The following ACBD5 variants were observed in gnomAD, a reference collection of about 807,000 sequenced individuals.
ACBD5 encodes the protein acyl-CoA binding domain containing 5, also known as acyl-CoA-binding domain-containing protein 5.
A neutral mutation model predicts 71.8 loss-of-function variants in ACBD5; 40 were observed. That is an observed-to-expected ratio of 0.56 (90% confidence interval 0.43 to 0.72). The LOEUF (loss-of-function observed/expected upper bound fraction) is 0.72. ACBD5 is among the 30% of genes least tolerant of loss of function. The pLI is 0.00. For synonymous variants in ACBD5, 229 were observed against 218.6 expected, an observed-to-expected ratio of 1.05 and a Z score of -0.42; for missense variants, 559 against 644.5, an observed-to-expected ratio of 0.87 and a Z score of 1.44.
At chr10:27,194,825 G>A (rs2059250791), downstream of ACBD5, among the ~76,000 whole-genome samples, 2 of 151,420 alleles carry the variant, frequency 1.3e-5, no homozygotes, top group Non-Finnish European at 2.9e-5. Flanking sequence ...GTGAAACCCC[G>A]TCTCTACTAA....
intron 8 of ACBD5, among the ~76,000 whole-genome samples, chr10:27,213,235 T>C (rs1343295966): frequency 6.6e-6 from 1 of 152,126 alleles, no homozygotes; most frequent in African/African-American, 2.4e-5. Flanking sequence ...GACCTACAAA[T>C]GGCCAACAGG....
intron 4 of ACBD5, 62 bp from the exon 5 acceptor site, chr10:27,223,514 T>A: frequency 8.7e-7 from 1 of 1,144,446 alleles, no homozygotes; most frequent in Non-Finnish European, 1.3e-6. Context: ...TCCACTAATA[T>A]CAAATAATCT....
intron 12 of ACBD5, among the ~76,000 whole-genome samples, chr10:27,203,089 C>A (rs1240124060): frequency 6.6e-6 from 1 of 151,136 alleles, no homozygotes; most frequent in African/African-American, 2.4e-5. Context: ...ATCCTCCCGC[C>A]TCAGCCTCCC....
Position 27,240,201 on chromosome 10 carries a change from ACT to A in ACBD5, c.181+116_181+117del, listed in dbSNP as rs1420375238. On this transcript the variant is annotated intron_variant, in intron 2 of 12. Transcript: ENST00000396271. The surrounding 1 kb of genome is among the most constrained non-coding windows in gnomAD (Gnocchi z 4.1). Reference sequence around the variant, plus strand: ...ATTCATATTCAATAGCTCCCCTTCCACTACATGGCTCCTACACAGAAAAAAAG... The same window carrying A: ...ATTCATATTCAATAGCTCCCCTTCCAACATGGCTCCTACACAGAAAAAAAG... 4 of 1,513,302 alleles carry A rather than the reference ACT, an allele frequency of 2.6e-6. No individual in the cohort carries two copies. In the African/African-American group the frequency reaches 5.5e-5, roughly 21 times the overall value. 93.7% of individuals were successfully genotyped at this position (1,513,302 alleles called of 1,614,324 possible).
At chr10:27,185,618 C>CAA (rs34847161) in intron 13 of ACBD5, among the ~76,000 whole-genome samples, 3,370 of 98,428 alleles carry the variant, frequency 0.034, 118 homozygotes, top group Non-Finnish European at 0.051. Flanking sequence ...AGGTGACAGA[C>CAA]AAAAAAAAAA....
intron 4 of ACBD5, among the ~76,000 whole-genome samples, chr10:27,230,013 G>C (rs1458217711): frequency 6.6e-6 from 1 of 150,578 alleles, no homozygotes; most frequent in African/African-American, 2.4e-5. Flanking sequence ...CAATTGAATA[G>C]GACAAATGAG....
rs746329483 is a variant in ACBD5, at chr10:27,204,480, C to A, written c.1525G>T (p.Ala509Ser). The change falls in exon 12 of 13, where the codon GCA becomes TCA. Residue 509 changes from alanine to serine, a missense_variant. Coordinates refer to ENST00000396271, the MANE Select transcript of ACBD5 (RefSeq NM_145698.5). ...TAGTATAAATACACCAACCACTGTG[C>A]AATAAAAGGCCATATGATGGCAAAC... ...LTFAIIWPFI[A>S]QWLVYLYYQR... 1 of 1,613,952 alleles carries A rather than the reference C, an allele frequency of 6.2e-7. No homozygotes were observed. The highest frequency in any genetic ancestry group is 2.2e-5 in the East Asian group (1 of 44,848).
At position 27,210,312 on chromosome 10, in the gene ACBD5, C is replaced by T. The variant is rs1334297160; in HGVS notation, c.1204+502G>A. ...CATTGTTGGGGATTAAAAGGGAAACCGAATTAGAGCTATTTGCCAAGTTAA... is the reference window on the plus strand; with the variant it reads ...CATTGTTGGGGATTAAAAGGGAAACTGAATTAGAGCTATTTGCCAAGTTAA... On this transcript the variant is annotated intron_variant, in intron 9 of 12. Coordinates refer to ENST00000396271, the MANE Select transcript of ACBD5 (RefSeq NM_145698.5). Among the ~76,000 whole-genome samples the T allele has an allele frequency of 2.6e-5, 4 of 152,258 alleles. No individual in the cohort carries two copies. In the South Asian group the frequency reaches 6.2e-4, roughly 24 times the overall value.
intron 8 of ACBD5, among the ~76,000 whole-genome samples, chr10:27,211,972 G>C (rs965094105): frequency 6.6e-6 from 1 of 151,504 alleles, no homozygotes; most frequent in African/African-American, 2.4e-5. Context: ...GTGGGGGTAG[G>C]AAGGGACTTG....
chr10:27,217,061 G>T (rs1488259566), intron 7 of ACBD5, among the ~76,000 whole-genome samples: 1 of 148,910 alleles, frequency 6.7e-6, no homozygotes, highest in Non-Finnish European at 1.5e-5. Flanking sequence ...CAGGAGAATG[G>T]CGTGAAACCA....
At chr10:27,228,793 A>ATT in intron 4 of ACBD5, among the ~76,000 whole-genome samples, 1 of 15,848 alleles carries the variant, frequency 6.3e-5, no homozygotes, top group Non-Finnish European at 3.7e-4. Flanking sequence ...TATTATGTTT[A>ATT]TATATATATA....
At chr10:27,219,986 T>G in intron 5 of ACBD5, 129 bp from the exon 6 acceptor site, 1 of 631,944 alleles carries the variant, frequency 1.6e-6, no homozygotes, top group Non-Finnish European at 2.2e-6. Flanking sequence ...ATATATATAA[T>G]AGTATTATTT....
downstream of ACBD5, among the ~76,000 whole-genome samples, chr10:27,193,171 G>C (rs1371736629): frequency 8.8e-5 from 9 of 101,820 alleles, no homozygotes; most frequent in Non-Finnish European, 5.5e-5. Context: ...GTGTGTGTGT[G>C]TCTTGCTCTG....
chr10:27,189,132 T>C (rs2058947167), intron 13 of ACBD5, among the ~76,000 whole-genome samples: 2 of 152,210 alleles, frequency 1.3e-5, no homozygotes, highest in Admixed American at 1.3e-4. Flanking sequence ...ATTAGTTTCC[T>C]CCCACATACA....
downstream of ACBD5, among the ~76,000 whole-genome samples, chr10:27,194,398 G>A (rs1026970875): frequency 7.3e-5 from 11 of 150,400 alleles, no homozygotes; most frequent in African/African-American, 2.2e-4. Flanking sequence ...ATCACCTGAG[G>A]TCAGGAGTTC....
chr10:27,199,902 T>C (rs897523251), intron 12 of ACBD5, among the ~76,000 whole-genome samples: 2 of 151,294 alleles, frequency 1.3e-5, no homozygotes, highest in Admixed American at 1.3e-4. Context: ...TGAGAGACAA[T>C]AGCGTGAACC....
chr10:27,198,708 A>C (rs1049992784), intron 12 of ACBD5, among the ~76,000 whole-genome samples: 1 of 152,354 alleles, frequency 6.6e-6, no homozygotes, highest in East Asian at 1.9e-4. Context: ...AACCTGCCTG[A>C]GTGAGGTTTT....
rs963000861 is a variant in ACBD5 at position 27,228,508 on chromosome 10, C to T, written c.375+3240G>A. Among the ~76,000 whole-genome samples, 6 of 151,532 alleles carry T rather than the reference C, an allele frequency of 4.0e-5. No individual in the cohort carries two copies. The Middle Eastern group carries it at 0.01, about 259-fold the overall frequency. ...AGGAGAATGGTGTGAACCGAGGAGG[C>T]GGACGTTGCAGTGAGCCAAGATGGC... is the stretch of plus-strand genomic sequence containing the variant. On this transcript the variant is annotated intron_variant, in intron 4 of 12. Coordinates refer to ENST00000396271, the MANE Select transcript of ACBD5 (RefSeq NM_145698.5).
intron 12 of ACBD5, among the ~76,000 whole-genome samples, chr10:27,198,605 G>T (rs2059594707): frequency 1.3e-5 from 2 of 152,148 alleles, no homozygotes; most frequent in African/African-American, 4.8e-5. Context: ...TCACAAAACA[G>T]AAGGAGATCC....
Sources: gnomAD v4.1 joint callset for allele counts (sites outside exome capture counted in the v4.1 genomes callset) on GRCh38, gnomAD v4.1.1 for gene constraint, Gnocchi (gnomAD v3.1) non-coding constraint, MANE v1.5 for transcripts, NCBI Gene and HGNC (gene_info 2026-07-23, HGNC 2026-07-21) for gene names.